The following SPOP variants were observed in gnomAD, a reference collection of about 807,000 sequenced individuals.
SPOP encodes the protein speckle type BTB/POZ protein.
SPOP carries 11 observed loss-of-function variants against 45.6 expected under a neutral mutation model. That is an observed-to-expected ratio of 0.24 (90% confidence interval 0.15 to 0.40). The LOEUF is 0.40. Ranked by LOEUF, SPOP falls within the 10% of genes least tolerant of loss-of-function variation. SPOP has a pLI of 1.00. For missense variants in SPOP, 152 were observed against 465.6 expected, an observed-to-expected ratio of 0.33 and a Z score of 6.20; for synonymous variants, 166 against 166.3, an observed-to-expected ratio of 1.00 and a Z score of 0.01.
chr17:49,607,739 CAGA>C (rs1438405300), intron 7 of SPOP, 132 bp downstream of exon 7: 107 of 802,702 alleles, frequency 1.3e-4, no homozygotes, highest in South Asian at 9.2e-4. Flanking sequence ...TCTCTGCTCT[CAGA>C]AGGAGTTTAG....
intron 8 of SPOP, 122 bp from the exon 9 acceptor site, chr17:49,602,129 C>T: frequency 9.1e-7 from 1 of 1,101,114 alleles, no homozygotes; most frequent in South Asian, 1.9e-5. Context: ...CTGCACAGAC[C>T]ATGAAAAGCT....
At chr17:49,664,619 T>A (rs1036428992) in intron 1 of SPOP, among the ~76,000 whole-genome samples, 18 of 152,162 alleles carry the variant, frequency 1.2e-4, no homozygotes, top group Admixed American at 3.3e-4. Flanking sequence ...GAATCACTGT[T>A]CTAAGAAAAA....
intron 2 of SPOP, 119 bp from the exon 3 acceptor site, chr17:49,622,186 A>C (rs2072233706): frequency 1.5e-6 from 2 of 1,342,668 alleles, no homozygotes; most frequent in Non-Finnish European, 2.1e-6. Flanking sequence ...GGAAGATAGC[A>C]GTTTTCAGGT....
chr17:49,665,158 TA>T (rs1349659204), intron 1 of SPOP, among the ~76,000 whole-genome samples: 15 of 152,284 alleles, frequency 9.9e-5, no homozygotes, highest in African/African-American at 3.6e-4. Context: ...TATCCCTATA[TA>T]AAATTACTCC....
chr17:49,667,055 A>C (rs1463729287), intron 1 of SPOP, among the ~76,000 whole-genome samples: 1 of 149,172 alleles, frequency 6.7e-6, no homozygotes, highest in Non-Finnish European at 1.5e-5. Flanking sequence ...GCGCAAGCCT[A>C]TAATCCCAGC....
At chr17:49,674,869 A>G (rs1223371687) in intron 1 of SPOP, among the ~76,000 whole-genome samples, 1 of 152,186 alleles carries the variant, frequency 6.6e-6, no homozygotes, top group Non-Finnish European at 1.5e-5. Flanking sequence ...TTATTTTTCA[A>G]ACAAAATCCT....
Position 49,658,224 on chromosome 17 carries a change from A to T in SPOP, c.-67+19709T>A, listed in dbSNP as rs972197484. On this transcript the variant is annotated intron_variant, in intron 1 of 9. Coordinates refer to ENST00000504102, the MANE Select transcript of SPOP (RefSeq NM_001007228.2). Reference sequence around the variant, plus strand: ...GATATAAATATCTACATGCACATACACATTTAGAGAAATGCCCAATAAGAT... The same window carrying T: ...GATATAAATATCTACATGCACATACTCATTTAGAGAAATGCCCAATAAGAT... Among the ~76,000 whole-genome samples the T allele has an allele frequency of 1.1e-4, 17 of 152,326 alleles. No homozygotes were observed. The South Asian group carries it at 3.3e-3, about 30-fold the overall frequency.
chr17:49,676,438 G>C (rs939884883), intron 1 of SPOP, among the ~76,000 whole-genome samples: 5 of 152,158 alleles, frequency 3.3e-5, no homozygotes, highest in African/African-American at 1.2e-4. Flanking sequence ...GGTTAAAAGG[G>C]GAAGTGAAAA....
intron 1 of SPOP, among the ~76,000 whole-genome samples, chr17:49,671,301 G>A (rs1311246879): frequency 2.6e-5 from 4 of 151,278 alleles, no homozygotes; most frequent in Non-Finnish European, 5.9e-5. Flanking sequence ...AGAGGTTGGT[G>A]CAAAAGTAAT....
Position 49,622,798 on chromosome 17 carries a change from G to C in SPOP, c.13C>G (p.Pro5Ala). Residue 5 changes from proline to alanine, a missense_variant, in exon 2 of 10, where the codon CCA becomes GCA. By Grantham distance (27) the Pro-to-Ala change is conservative. Transcript: ENST00000504102. Reference protein sequence around the residue: MSRVPSPPPPAEMSS... With the variant: MSRVASPPPPAEMSS... ...ATTTCTGCCGGAGGTGGAGGACTTG[G>C]AACCCTTGACATCGCCAGTTTGAAG... The C allele has an allele frequency of 6.2e-7, 1 of 1,614,108 alleles. No individual in the cohort carries two copies. The highest frequency in any genetic ancestry group is 2.2e-5 in the East Asian group (1 of 44,866).
intron 1 of SPOP, among the ~76,000 whole-genome samples, chr17:49,675,330 C>T (rs1318651766): frequency 6.6e-6 from 1 of 151,992 alleles, no homozygotes; most frequent in Non-Finnish European, 1.5e-5. Flanking sequence ...GAATGATCAC[C>T]AAGATAAATA....
intron 1 of SPOP, among the ~76,000 whole-genome samples, chr17:49,662,233 T>C (rs1194793239): frequency 6.6e-6 from 1 of 152,074 alleles, no homozygotes; most frequent in East Asian, 1.9e-4. Context: ...ATTTTCAAAA[T>C]ATATTCAAGT....
chr17:49,625,770 AAAAC>A (rs1337748880), intron 1 of SPOP, among the ~76,000 whole-genome samples: 4 of 152,242 alleles, frequency 2.6e-5, no homozygotes, highest in Non-Finnish European at 4.4e-5. Context: ...GTAAAAGTAA[AAAAC>A]AACAACAACA....
chr17:49,629,898 A>C (rs1597940957), intron 1 of SPOP, among the ~76,000 whole-genome samples: 1 of 152,258 alleles, frequency 6.6e-6, no homozygotes, highest in Non-Finnish European at 1.5e-5. Flanking sequence ...AAGATTGTGA[A>C]GATATTAGAT....
chr17:49,640,764 G>A (rs1358071750), intron 1 of SPOP, among the ~76,000 whole-genome samples: 10 of 152,052 alleles, frequency 6.6e-5, no homozygotes, highest in Admixed American at 5.9e-4. Context: ...TTCCAACTAC[G>A]TTTTCCTGAT....
intron 1 of SPOP, among the ~76,000 whole-genome samples, chr17:49,666,711 C>T (rs2073064160): frequency 6.6e-6 from 1 of 151,974 alleles, no homozygotes. Flanking sequence ...ACCTGTAATC[C>T]CAGCTACTTG....
chr17:49,644,473 A>T (rs2072717484), intron 1 of SPOP, among the ~76,000 whole-genome samples: 2 of 152,216 alleles, frequency 1.3e-5, no homozygotes, highest in South Asian at 2.1e-4. Flanking sequence ...AGGAAGAAGA[A>T]GATGATGATG....
intron 6 of SPOP, among the ~76,000 whole-genome samples, chr17:49,611,001 C>G (rs1177304925): frequency 6.6e-6 from 1 of 152,130 alleles, no homozygotes; most frequent in African/African-American, 2.4e-5. Flanking sequence ...CTGACATCTA[C>G]TCTCTAGGGG....
chr17:49,649,141 A>G (rs1366259668), intron 1 of SPOP, among the ~76,000 whole-genome samples: 3 of 152,220 alleles, frequency 2.0e-5, no homozygotes, highest in Non-Finnish European at 4.4e-5. Context: ...TTTAAAAATT[A>G]CATCACACCT....
Sources: allele counts gnomAD v4.1 joint callset (sites outside exome capture counted in the v4.1 genomes callset), GRCh38; gene constraint gnomAD v4.1.1; transcripts MANE v1.5; gene names NCBI Gene and HGNC (gene_info 2026-07-23, HGNC 2026-07-21).